The following CHD1L variants were observed in gnomAD, a reference collection of about 807,000 sequenced individuals.
CHD1L encodes the protein chromodomain helicase DNA binding protein 1 like, also known as ATP-dependent chromatin remodeler CHD1L.
In CHD1L, 118 loss-of-function variants were observed where a neutral mutation model predicts 115.9. The ratio of observed to expected loss-of-function variants is 1.02; its 90% CI spans 0.88 to 1.19. CHD1L has a LOEUF of 1.19. CHD1L is among the 50% of genes most tolerant of loss of function. The pLI is 0.00. For synonymous variants in CHD1L, 411 were observed against 387.1 expected, an observed-to-expected ratio of 1.06 and a Z score of -0.72; for missense variants, 1,179 against 1,065.3, an observed-to-expected ratio of 1.11 and a Z score of -1.49.
chr1:147,208,087 G>A, the CHD1L span, among the ~76,000 whole-genome samples: 1 of 152,190 alleles, frequency 6.6e-6, no homozygotes, highest in African/African-American at 2.4e-5. Context: ...GATTAAGTGA[G>A]ATACTGCATG....
At chr1:147,174,840 A>G in the CHD1L span, 1 of 152,224 alleles carries the variant, frequency 6.6e-6, no homozygotes, top group Non-Finnish European at 1.5e-5. Flanking sequence ...AGAAGGAGGT[A>G]ATAGGAAAAG....
intron 1 of CHD1L, among the ~76,000 whole-genome samples, chr1:147,246,528 T>C (rs1666676928): frequency 6.6e-6 from 1 of 152,246 alleles, no homozygotes; most frequent in African/African-American, 2.4e-5. Context: ...ACCAGCAATG[T>C]ATGACTGAGT....
At chr1:147,189,810 A>G in the CHD1L span, among the ~76,000 whole-genome samples, 1 of 152,070 alleles carries the variant, frequency 6.6e-6, no homozygotes, top group African/African-American at 2.4e-5. Context: ...ACCCATAGCT[A>G]CCTCTCATTC....
the CHD1L span, chr1:147,210,092 A>G: frequency 6.6e-6 from 1 of 152,210 alleles, no homozygotes; most frequent in African/African-American, 2.4e-5. Flanking sequence ...TCTTGAGGAA[A>G]GTATTATTAC....
intron 3 of CHD1L, 79 bp downstream of exon 3, chr1:147,255,055 A>G: frequency 9.5e-7 from 1 of 1,050,774 alleles, no homozygotes; most frequent in East Asian, 2.5e-5. Context: ...AAAATATGAT[A>G]AAACAACCTA....
At chr1:147,202,312 CTTTTTT>C in the CHD1L span, among the ~76,000 whole-genome samples, 3 of 77,464 alleles carry the variant, frequency 3.9e-5, no homozygotes, top group Non-Finnish European at 5.0e-5. Context: ...AAAAGCAGTT[CTTTTTT>C]TTTTTTTTTT....
intron 6 of CHD1L, among the ~76,000 whole-genome samples, 183 bp from the exon 7 acceptor site, chr1:147,264,239 G>A (rs1487204709): frequency 6.6e-6 from 1 of 152,142 alleles, no homozygotes; most frequent in Non-Finnish European, 1.5e-5. Flanking sequence ...AAACTGAAGA[G>A]GTATTATTTC....
At chr1:147,261,173 G>A (rs1349917194) in intron 6 of CHD1L, among the ~76,000 whole-genome samples, 1 of 152,140 alleles carries the variant, frequency 6.6e-6, no homozygotes, top group Non-Finnish European at 1.5e-5. Flanking sequence ...TGCTTTCTTT[G>A]TAGGGACTTT....
chr1:147,286,220 G>A, intron 17 of CHD1L, 78 bp from the exon 18 acceptor site: 1 of 1,349,370 alleles, frequency 7.4e-7, no homozygotes, highest in Non-Finnish European at 1.0e-6. Flanking sequence ...TATTGTTTGT[G>A]AACAGCAGTA....
chr1:147,243,057 G>A, intron 1 of CHD1L: 2 of 406,364 alleles, frequency 4.9e-6, no homozygotes, highest in East Asian at 4.1e-5. Flanking sequence ...GAATGAGGTC[G>A]CGGGCCCGGT....
intron 5 of CHD1L, chr1:147,259,292 G>A (rs1242596558): frequency 6.6e-6 from 1 of 152,112 alleles, no homozygotes; most frequent in African/African-American, 2.4e-5. Flanking sequence ...ATATCTTCCT[G>A]GACATCTCTG....
chr1:147,228,931 T>A, the CHD1L span, among the ~76,000 whole-genome samples: 1 of 152,194 alleles, frequency 6.6e-6, no homozygotes. Context: ...ATGAGTAGAT[T>A]GCAAAAATTT....
At chr1:147,292,576 A>C (rs956879582) in intron 20 of CHD1L, among the ~76,000 whole-genome samples, 3 of 152,220 alleles carry the variant, frequency 2.0e-5, no homozygotes, top group African/African-American at 7.2e-5. Flanking sequence ...TTACAAAGAA[A>C]AGAGATTTAT....
the CHD1L span, among the ~76,000 whole-genome samples, chr1:147,189,998 A>G: frequency 2.0e-5 from 3 of 152,108 alleles, no homozygotes; most frequent in Non-Finnish European, 4.4e-5. Flanking sequence ...TTTCTTACCC[A>G]TATTTAGACT....
intron 6 of CHD1L, among the ~76,000 whole-genome samples, chr1:147,262,146 A>G (rs587608166): frequency 6.7e-6 from 1 of 149,732 alleles, no homozygotes; most frequent in Admixed American, 6.7e-5. Context: ...CAGTGAGCCG[A>G]GATTGCGCCA....
rs1553947782 is a variant in CHD1L at position 147,265,902 on chromosome 1, A to C, written c.740-30A>C. 3.1e-6 allele frequency: 5 copies of C among 1,589,976 alleles called. No homozygotes were observed. In the East Asian group the frequency reaches 1.1e-4, roughly 36 times the overall value. On this transcript the variant is annotated intron_variant, in intron 7 of 22. Coordinates refer to ENST00000369258, the MANE Select transcript of CHD1L (RefSeq NM_004284.6). Reference sequence around the variant, plus strand: ...ATTGCCTTGGTTCTACTTTTGTCCCACACTTCTTGTATTTTTTTTTCTTAT... The same window carrying C: ...ATTGCCTTGGTTCTACTTTTGTCCCCCACTTCTTGTATTTTTTTTTCTTAT...
chr1:147,267,439 T>C lies in CHD1L; in HGVS notation c.909T>C (p.Asn303=). Residue 303 remains asparagine, a synonymous_variant, in exon 9 of 23, where the codon AAT becomes AAC. Coordinates refer to ENST00000369258, the MANE Select transcript of CHD1L (RefSeq NM_004284.6). ...TTTAAATTTCAGATGCATTTGAAAA[T>C]GAGACGGCAAAGAAAGTTAAACTAC... The part of the protein sequence containing the change: ...ILMKDLDAFE[N]ETAKKVKLQN... 6.2e-7 allele frequency: 1 copy of C among 1,612,728 alleles called. No homozygotes were observed. Among genetic ancestry groups the C allele is most frequent in the Non-Finnish European group, 8.5e-7 (1 of 1,179,164 alleles).
At chr1:147,255,953 G>A (rs1204039053) in intron 4 of CHD1L, 26 bp downstream of exon 4, 7 of 1,509,290 alleles carry the variant, frequency 4.6e-6, no homozygotes, top group Non-Finnish European at 5.5e-6. Flanking sequence ...TCTATAGCGA[G>A]AACTCCTAAC....
the CHD1L span, chr1:147,179,412 G>A: frequency 1.3e-6 from 2 of 1,597,114 alleles, no homozygotes; most frequent in Non-Finnish European, 1.7e-6. Flanking sequence ...TCATAGCCAA[G>A]ATGGATGCCA....
Sources: gnomAD v4.1 joint callset for allele counts (sites outside exome capture counted in the v4.1 genomes callset) on GRCh38, gnomAD v4.1.1 for gene constraint, MANE v1.5 for transcripts, NCBI Gene and HGNC (gene_info 2026-07-23, HGNC 2026-07-21) for gene names.